Variants in HS6ST3 observed in about 807,000 individuals in gnomAD.
The protein encoded by HS6ST3 is heparan-sulfate 6-O-sulfotransferase 3.
Under a neutral mutation model 36.7 loss-of-function variants are expected in HS6ST3, and 12 were observed. The ratio of observed to expected loss-of-function variants is 0.33; its 90% CI spans 0.21 to 0.53. The LOEUF (loss-of-function observed/expected upper bound fraction) is 0.53, where lower values mean the gene tolerates loss of function less well. Among genes scored for constraint, HS6ST3 ranks in the 20% least tolerant of loss-of-function variants. The pLI is 0.95. For missense variants in HS6ST3, 584 were observed against 640.9 expected, an observed-to-expected ratio of 0.91 and a Z score of 0.96; for synonymous variants, 240 against 257.5, an observed-to-expected ratio of 0.93 and a Z score of 0.65.
intron 1 of HS6ST3, among the ~76,000 whole-genome samples, chr13:96,165,125 C>T: frequency 6.6e-6 from 1 of 152,140 alleles, no homozygotes; most frequent in Non-Finnish European, 1.5e-5. Flanking sequence ...TTTGGAGTGG[C>T]AAAGAATATG....
chr13:96,352,640 G>C (rs777750530), intron 1 of HS6ST3, among the ~76,000 whole-genome samples: 1 of 152,184 alleles, frequency 6.6e-6, no homozygotes, highest in Non-Finnish European at 1.5e-5. Flanking sequence ...TGACTTCTAG[G>C]AGTCATAGGT....
intron 1 of HS6ST3, among the ~76,000 whole-genome samples, chr13:96,170,414 G>T (rs2054182169): frequency 6.6e-6 from 1 of 152,238 alleles, no homozygotes; most frequent in Non-Finnish European, 1.5e-5. Flanking sequence ...ATAGCAACTT[G>T]ATGTCAGAGT....
intron 1 of HS6ST3, among the ~76,000 whole-genome samples, chr13:96,405,517 T>A (rs1179861207): frequency 6.6e-6 from 1 of 152,196 alleles, no homozygotes; most frequent in Non-Finnish European, 1.5e-5. Context: ...ACAAGGAATA[T>A]CAGTGAATGG....
intron 1 of HS6ST3, among the ~76,000 whole-genome samples, chr13:96,609,547 G>C (rs150327894): frequency 1.2e-3 from 183 of 152,198 alleles, no homozygotes; most frequent in African/African-American, 4.2e-3. Context: ...TGTAAACTGA[G>C]GCATGTGTCT....
rs564410372 is a variant in HS6ST3, at chr13:96,192,892, G to T, written c.707+101323G>T. On this transcript the variant is annotated intron_variant, in intron 1 of 1. Transcript: ENST00000376705. Reference sequence around the variant, plus strand: ...AACTTGGGAAAAAGTGAAAAATGGTGCAATATAAGGACGGGTTGAAGGAAA... The same window carrying T: ...AACTTGGGAAAAAGTGAAAAATGGTTCAATATAAGGACGGGTTGAAGGAAA... 9.2e-4 allele frequency among the ~76,000 whole-genome samples: 140 copies of T among 152,244 alleles called. 1 individual carries two copies. The highest frequency in any genetic ancestry group is 1.6e-3 in the Non-Finnish European group (107 of 68,018).
chr13:96,660,803 G>T (rs1272806836), intron 1 of HS6ST3, among the ~76,000 whole-genome samples: 1 of 152,114 alleles, frequency 6.6e-6, no homozygotes, highest in Non-Finnish European at 1.5e-5. Flanking sequence ...GTGTTTCTGG[G>T]AGTTTCCAGA....
At chr13:96,441,288 CT>C (rs754903364) in intron 1 of HS6ST3, among the ~76,000 whole-genome samples, 284 of 146,164 alleles carry the variant, frequency 1.9e-3, no homozygotes, top group East Asian at 4.7e-3. Context: ...TTTGAATATA[CT>C]TTTTTTTTTT....
chr13:96,805,320 C>G (rs1878172033), intron 1 of HS6ST3, among the ~76,000 whole-genome samples: 1 of 152,086 alleles, frequency 6.6e-6, no homozygotes, highest in Non-Finnish European at 1.5e-5. Flanking sequence ...GGCACTTCCC[C>G]CTTTGCTCAT....
chr13:96,771,838 A>C (rs935604901), intron 1 of HS6ST3, among the ~76,000 whole-genome samples: 4 of 152,274 alleles, frequency 2.6e-5, no homozygotes, highest in Admixed American at 2.0e-4. Context: ...AAAAAGATAA[A>C]AGATGTAAAA....
At chr13:96,628,804 A>G (rs939154670) in intron 1 of HS6ST3, among the ~76,000 whole-genome samples, 4 of 151,430 alleles carry the variant, frequency 2.6e-5, no homozygotes, top group East Asian at 1.9e-4. Flanking sequence ...TTACATCCTT[A>G]TATGTTCAGA....
rs1181575673 is a variant in HS6ST3, at chr13:96,095,189, A to G, written c.707+3620A>G. On this transcript the variant is annotated intron_variant, in intron 1 of 1. Transcript: ENST00000376705. The stretch of plus-strand genomic sequence containing the variant: ...GCTTACTATATATCTTGTGTTTACT[A>G]TGGAAAGTGCAGTGGAGTGTGCCTT... Among the ~76,000 whole-genome samples, 5 of 152,304 alleles carry G rather than the reference A, an allele frequency of 3.3e-5. No homozygotes were observed. In the East Asian group the frequency reaches 7.7e-4, roughly 24 times the overall value.
chr13:96,619,520 A>G (rs1362554116), intron 1 of HS6ST3, among the ~76,000 whole-genome samples: 1 of 152,216 alleles, frequency 6.6e-6, no homozygotes, highest in African/African-American at 2.4e-5. Flanking sequence ...CCAAATTTTA[A>G]TACCTTCTGG....
chr13:96,706,982 A>G (rs1193336829), intron 1 of HS6ST3, among the ~76,000 whole-genome samples: 2 of 152,192 alleles, frequency 1.3e-5, no homozygotes, highest in Non-Finnish European at 2.9e-5. Flanking sequence ...TTTCTTTCCA[A>G]TGTGAAATCA....
At chr13:96,630,171 A>G (rs1414666893) in intron 1 of HS6ST3, among the ~76,000 whole-genome samples, 1 of 152,108 alleles carries the variant, frequency 6.6e-6, no homozygotes, top group Non-Finnish European at 1.5e-5. Flanking sequence ...TTATATTATG[A>G]GTGCTATGGA....
intron 1 of HS6ST3, among the ~76,000 whole-genome samples, chr13:96,613,314 T>A (rs1445044720): frequency 6.6e-6 from 1 of 152,206 alleles, no homozygotes; most frequent in Non-Finnish European, 1.5e-5. Context: ...TTCCATTTTA[T>A]ACACAGAAAA....
At chr13:96,410,157 A>G (rs1286126495) in intron 1 of HS6ST3, among the ~76,000 whole-genome samples, 1 of 152,206 alleles carries the variant, frequency 6.6e-6, no homozygotes, top group Non-Finnish European at 1.5e-5. Flanking sequence ...TCCATAAAGC[A>G]AAAGAATCAA....
At chr13:96,471,306 C>T (rs1447532069) in intron 1 of HS6ST3, among the ~76,000 whole-genome samples, 1 of 152,146 alleles carries the variant, frequency 6.6e-6, no homozygotes, top group African/African-American at 2.4e-5. Flanking sequence ...AATTTTTTTC[C>T]TTCTATAGAC....
At chr13:96,140,240 T>A (rs895695439) in intron 1 of HS6ST3, among the ~76,000 whole-genome samples, 1 of 152,190 alleles carries the variant, frequency 6.6e-6, no homozygotes, top group Non-Finnish European at 1.5e-5. Context: ...TATTAAATCA[T>A]AACTGCATGA....
intron 1 of HS6ST3, among the ~76,000 whole-genome samples, chr13:96,791,154 G>T (rs1005380624): frequency 1.3e-5 from 2 of 151,910 alleles, no homozygotes; most frequent in African/African-American, 4.8e-5. Flanking sequence ...GTTGAGAGAT[G>T]ACTCCCTCAT....
Sources: allele counts gnomAD v4.1 joint callset (sites outside exome capture counted in the v4.1 genomes callset), GRCh38; gene constraint gnomAD v4.1.1; transcripts MANE v1.5; gene names NCBI Gene and HGNC (gene_info 2026-07-23, HGNC 2026-07-21).